The following ANKRD36C variants were observed in gnomAD, a reference collection of about 807,000 sequenced individuals.
ANKRD36C encodes the protein ankyrin repeat domain-containing protein 36C.
In ANKRD36C, 61 loss-of-function variants were observed where a neutral mutation model predicts 276.4. That is an observed-to-expected ratio of 0.22 (90% CI 0.18 to 0.27). ANKRD36C has a LOEUF of 0.27. ANKRD36C is among the 10% of genes least tolerant of loss of function. ANKRD36C has a pLI of 1.00. For synonymous variants in ANKRD36C, 483 were observed against 680.1 expected (o/e 0.71, Z 4.51); for missense variants, 1,447 against 2,032.3 (o/e 0.71, Z 5.54).
intron 6 of ANKRD36C, among the ~76,000 whole-genome samples, chr2:95,966,840 A>G (rs1470247621): frequency 1.3e-5 from 2 of 152,094 alleles, no homozygotes; most frequent in Non-Finnish European, 2.9e-5. Context: ...TATTTCCTTG[A>G]GTGGTGGTTT....
chr2:95,921,174 C>T (rs1677254649), intron 34 of ANKRD36C, among the ~76,000 whole-genome samples: 1 of 150,718 alleles, frequency 6.6e-6, no homozygotes, highest in Non-Finnish European at 1.5e-5. Context: ...TCAGGGATCT[C>T]CTTAGTTCTC....
At chr2:95,892,002 C>T in intron 44 of ANKRD36C, 142 bp from the exon 65 acceptor site, 1 of 1,400,770 alleles carries the variant, frequency 7.1e-7, no homozygotes, top group Non-Finnish European at 9.9e-7. Flanking sequence ...TGTCTGAGGA[C>T]TAGAACATGA....
At chr2:95,858,579 T>G (rs1177157446) in intron 61 of ANKRD36C, among the ~76,000 whole-genome samples, 1 of 152,206 alleles carries the variant, frequency 6.6e-6, no homozygotes, top group East Asian at 1.9e-4. Flanking sequence ...CATTTAGAGT[T>G]AATTAACATA....
intron 59 of ANKRD36C, 106 bp downstream of exon 79, chr2:95,876,333 G>T (rs1675952802): frequency 8.2e-6 from 7 of 849,934 alleles, no homozygotes; most frequent in Non-Finnish European, 1.3e-5. Flanking sequence ...ATAATCAACT[G>T]ATACTAAAAG....
chr2:95,927,031 A>C (rs538894154), intron 28 of ANKRD36C, among the ~76,000 whole-genome samples, 183 bp downstream of exon 28: 22 of 151,626 alleles, frequency 1.5e-4, no homozygotes, highest in African/African-American at 4.8e-4. Flanking sequence ...GGAAGTCTAT[A>C]ATCTTACTGC....
intron 50 of ANKRD36C, among the ~76,000 whole-genome samples, 200 bp from the exon 71 acceptor site, chr2:95,886,444 A>T (rs563683810): frequency 3.3e-5 from 5 of 151,618 alleles, no homozygotes; most frequent in African/African-American, 1.2e-4. Flanking sequence ...AGAAATATAC[A>T]CTAAGCATTT....
chr2:95,923,740 T>C, intron 30 of ANKRD36C, 51 bp from the exon 31 acceptor site: 1 of 1,598,212 alleles, frequency 6.3e-7, no homozygotes, highest in Non-Finnish European at 8.6e-7. Context: ...ATGATAAAGT[T>C]ATCTATACAT....
At chr2:95,981,798 A>C (rs942199957) in intron 4 of ANKRD36C, among the ~76,000 whole-genome samples, 1 of 152,070 alleles carries the variant, frequency 6.6e-6, no homozygotes, top group Admixed American at 6.6e-5. Context: ...CATTAAAGTA[A>C]AGTTTTATCC....
At chr2:95,969,283 T>A (rs1206695925) in intron 6 of ANKRD36C, among the ~76,000 whole-genome samples, 1 of 152,140 alleles carries the variant, frequency 6.6e-6, no homozygotes, top group Non-Finnish European at 1.5e-5. Flanking sequence ...TGATATCATG[T>A]TGGAAATTCT....
At chr2:95,925,658 G>T in intron 28 of ANKRD36C, 111 bp from the exon 29 acceptor site, 1 of 1,190,366 alleles carries the variant, frequency 8.4e-7, no homozygotes, top group Non-Finnish European at 1.2e-6. Context: ...ACTAGTGTAG[G>T]ATTTGATGTT....
intron 8 of ANKRD36C, among the ~76,000 whole-genome samples, chr2:95,961,462 C>A (rs1573805820): frequency 1.3e-5 from 2 of 152,104 alleles, no homozygotes; most frequent in African/African-American, 2.4e-5. Flanking sequence ...CTCTCATATT[C>A]ATTGAAAATA....
At chr2:95,873,256 C>A (rs1558622557) in intron 59 of ANKRD36C, among the ~76,000 whole-genome samples, 1 of 152,076 alleles carries the variant, frequency 6.6e-6, no homozygotes, top group Admixed American at 6.6e-5. Flanking sequence ...AACATTGATG[C>A]AAAAATCCTC....
rs549015963 is a variant in ANKRD36C at position 95,857,364 on chromosome 2, G to A, written c.4025C>T (p.Pro1342Leu). The A allele has an allele frequency of 3.5e-4, 565 of 1,608,168 alleles. 4 individuals are homozygous for A. In the African/African-American group the frequency reaches 5.9e-3, roughly 17 times the overall value. Residue 1342 changes from proline (P) to leucine (L), a missense_variant, in exon 62 of 67, where the codon CCG becomes CTG. By Grantham distance (98) the Pro-to-Leu change is moderately conservative. Coordinates refer to ENST00000456556, the Ensembl canonical transcript of ANKRD36C. ...TTCCACCTCTGCTGATTTGAGAGCC[G>A]GTTTAATTGGTTTTGTCACATCAGC... is the stretch of plus-strand genomic sequence containing the variant.
chr2:95,853,269 T>G (rs1194826006), intron 64 of ANKRD36C: 1 of 157,008 alleles, frequency 6.4e-6, no homozygotes, highest in African/African-American at 2.4e-5. Context: ...TTCAGAAAAG[T>G]AGAGACTAAA....
At chr2:95,927,992 T>G (rs1161142388) in intron 26 of ANKRD36C, among the ~76,000 whole-genome samples, 1 of 151,680 alleles carries the variant, frequency 6.6e-6, no homozygotes, top group Non-Finnish European at 1.5e-5. Flanking sequence ...GGTGTAATAA[T>G]TTGCCTAAGT....
At chr2:95,921,890 G>A (rs1282519498) in intron 32 of ANKRD36C, 80 bp from the exon 33 acceptor site, 4 of 1,409,184 alleles carry the variant, frequency 2.8e-6, no homozygotes, top group African/African-American at 1.4e-5. Context: ...GCATCAAGCT[G>A]TATCTGCCTG....
chr2:95,946,274 AGAC>A (rs1573792434), intron 17 of ANKRD36C, among the ~76,000 whole-genome samples: 1 of 151,964 alleles, frequency 6.6e-6, no homozygotes, highest in East Asian at 1.9e-4. Context: ...TCTCAAAAGA[AGAC>A]ATTTATGCAG....
chr2:95,958,153 T>A (rs7558392), intron 12 of ANKRD36C, among the ~76,000 whole-genome samples: 7,466 of 151,916 alleles, frequency 0.049, 204 homozygotes, highest in East Asian at 0.17. Context: ...AAATAATTAC[T>A]ACATCAGTGG....
At position 95,860,045 on chromosome 2, in the gene ANKRD36C, T is replaced by G. The variant is rs756029001; in HGVS notation, c.3712A>C (p.Thr1238Pro). The G allele has an allele frequency of 2.6e-6, 4 of 1,542,238 alleles. No individual in the cohort carries two copies. The South Asian group carries it at 4.8e-5, about 18-fold the overall frequency. The change falls in exon 61 of 67, where the codon ACA becomes CCA. Residue 1238 changes from threonine to proline, a missense_variant. Transcript: ENST00000456556. ...GTTAATCTTTTACATAAACAAAATG[T>G]CTTTTTAATTTTCAATAGGTGAACA...
Sources: gnomAD v4.1 joint callset for allele counts (sites outside exome capture counted in the v4.1 genomes callset) on GRCh38, gnomAD v4.1.1 for gene constraint, MANE v1.5 for transcripts, NCBI Gene and HGNC (gene_info 2026-07-23, HGNC 2026-07-21) for gene names.